RBFOX1: variants seen among roughly 807,000 people sequenced by gnomAD.
RBFOX1 encodes RNA binding protein fox-1 homolog 1.
In RBFOX1, 8 loss-of-function variants were observed where a neutral mutation model predicts 57.7. That is an observed-to-expected ratio of 0.14 (90% CI 0.08 to 0.25). The LOEUF is 0.25. RBFOX1 is among the 10% of genes least tolerant of loss of function. The pLI, the probability that RBFOX1 is intolerant of heterozygous loss-of-function variation, is 1.00. For missense variants in RBFOX1, 611 were observed against 548.5 expected (o/e 1.11, Z -1.14); for synonymous variants, 326 against 222.4 (o/e 1.47, Z -4.15).
At chr16:6,976,744 ATATC>A in intron 3 of RBFOX1, among the ~76,000 whole-genome samples, 1 of 143,404 alleles carries the variant, frequency 7.0e-6, no homozygotes, top group Admixed American at 7.1e-5. Context: ...TCATACATAT[ATATC>A]ATGTCATACA....
At chr16:5,848,699 CA>C (rs2056815804) in intron 3 of RBFOX1, among the ~76,000 whole-genome samples, 1 of 152,106 alleles carries the variant, frequency 6.6e-6, no homozygotes, top group Admixed American at 6.5e-5. Flanking sequence ...GTAAACCCAG[CA>C]CTTTGGGAGA....
At chr16:5,526,857 C>G (rs1275483027) in intron 2 of RBFOX1, among the ~76,000 whole-genome samples, 2 of 152,174 alleles carry the variant, frequency 1.3e-5, no homozygotes, top group Non-Finnish European at 2.9e-5. Flanking sequence ...AAGTAAGACT[C>G]CTTGCATGGG....
intron 3 of RBFOX1, among the ~76,000 whole-genome samples, chr16:5,743,131 T>C (rs1338580550): frequency 6.6e-6 from 1 of 152,216 alleles, no homozygotes; most frequent in African/African-American, 2.4e-5. Flanking sequence ...GTATTGTGAT[T>C]GGAAAGAACG....
intron 1 of RBFOX1, among the ~76,000 whole-genome samples, chr16:5,314,186 T>TC (rs1176321027): frequency 6.6e-6 from 1 of 152,222 alleles, no homozygotes; most frequent in Non-Finnish European, 1.5e-5. Flanking sequence ...TTGGCCCAGG[T>TC]CATGCAGTGG....
At chr16:7,583,108 G>T (rs2093900653) in intron 6 of RBFOX1, among the ~76,000 whole-genome samples, 1 of 150,126 alleles carries the variant, frequency 6.7e-6, no homozygotes, top group Non-Finnish European at 1.5e-5. Context: ...CTCATTGGAA[G>T]CATTTGTTCC....
chr16:7,272,292 G>C (rs890745032), intron 4 of RBFOX1, among the ~76,000 whole-genome samples: 9 of 151,944 alleles, frequency 5.9e-5, no homozygotes, highest in African/African-American at 2.2e-4. Flanking sequence ...TCAAGTGATT[G>C]TCCTGCCTCG....
intron 3 of RBFOX1, among the ~76,000 whole-genome samples, chr16:6,992,527 A>C (rs2091655719): frequency 6.6e-6 from 1 of 152,034 alleles, no homozygotes; most frequent in Non-Finnish European, 1.5e-5. Context: ...CAATTCCTTA[A>C]GTACCTTGTT....
At chr16:7,600,208 A>G (rs1219836626) in intron 9 of RBFOX1, among the ~76,000 whole-genome samples, 1 of 152,178 alleles carries the variant, frequency 6.6e-6, no homozygotes, top group African/African-American at 2.4e-5. Context: ...GAACTCAGAG[A>G]ATTGTTCCTG....
chr16:7,313,056 C>T (rs900960016), intron 4 of RBFOX1, among the ~76,000 whole-genome samples: 7 of 152,096 alleles, frequency 4.6e-5, no homozygotes, highest in East Asian at 1.9e-4. Flanking sequence ...CACTGCTGCT[C>T]TTCCTTCTGA....
intron 4 of RBFOX1, among the ~76,000 whole-genome samples, chr16:7,136,692 C>T (rs994223300): frequency 2.6e-5 from 4 of 152,108 alleles, no homozygotes; most frequent in Non-Finnish European, 4.4e-5. Flanking sequence ...GTTGGGATTA[C>T]GGGTGTGAGT....
intron 4 of RBFOX1, among the ~76,000 whole-genome samples, chr16:7,280,461 GT>G (rs2095519456): frequency 6.6e-6 from 1 of 152,164 alleles, no homozygotes. Context: ...GAATAATAAG[GT>G]GTTGGTAGAT....
chr16:6,310,375 A>G (rs2080105386), intron 1 of RBFOX1, among the ~76,000 whole-genome samples: 1 of 152,214 alleles, frequency 6.6e-6, no homozygotes, highest in Non-Finnish European at 1.5e-5. Flanking sequence ...GGATGATCTT[A>G]TTGCCTTGGC....
At chr16:6,099,671 T>A (rs1300503114) in intron 1 of RBFOX1, among the ~76,000 whole-genome samples, 1 of 152,194 alleles carries the variant, frequency 6.6e-6, no homozygotes, top group Non-Finnish European at 1.5e-5. Flanking sequence ...TTTGTGACTG[T>A]CACTTCACAA....
At chr16:7,618,024 T>C (rs2058737152) in intron 10 of RBFOX1, among the ~76,000 whole-genome samples, 1 of 151,806 alleles carries the variant, frequency 6.6e-6, no homozygotes. Flanking sequence ...AAAATACACA[T>C]GCTTGATCTT....
At chr16:7,568,641 T>A (rs1408731466) in intron 5 of RBFOX1, among the ~76,000 whole-genome samples, 1 of 152,006 alleles carries the variant, frequency 6.6e-6, no homozygotes, top group African/African-American at 2.4e-5. Context: ...ATCCCAGCAC[T>A]GTGGGAGGCC....
At chr16:6,118,060 G>A (rs1308953492) in intron 1 of RBFOX1, among the ~76,000 whole-genome samples, 2 of 152,194 alleles carry the variant, frequency 1.3e-5, no homozygotes, top group Admixed American at 6.5e-5. Context: ...TGCAAAAGTA[G>A]TCCAGAGAAT....
intron 1 of RBFOX1, among the ~76,000 whole-genome samples, chr16:5,408,566 C>A (rs1169156344): frequency 6.6e-6 from 1 of 152,302 alleles, no homozygotes; most frequent in South Asian, 2.1e-4. Flanking sequence ...AGCGACAGTG[C>A]TTCCTGCTTC....
At chr16:7,069,373 C>A (rs997864872) in intron 4 of RBFOX1, among the ~76,000 whole-genome samples, 1 of 152,022 alleles carries the variant, frequency 6.6e-6, no homozygotes, top group Non-Finnish European at 1.5e-5. Context: ...CAAAGAGGCC[C>A]GGTGTGTGTG....
At chr16:7,107,502 C>G (rs1329464529) in intron 4 of RBFOX1, among the ~76,000 whole-genome samples, 1 of 152,100 alleles carries the variant, frequency 6.6e-6, no homozygotes, top group Non-Finnish European at 1.5e-5. Flanking sequence ...ATTAACTGTA[C>G]ATATGTAAAG....
Sources: allele counts gnomAD v4.1 joint callset (sites outside exome capture counted in the v4.1 genomes callset), GRCh38; gene constraint gnomAD v4.1.1; transcripts MANE v1.5; gene names NCBI Gene and HGNC (gene_info 2026-07-23, HGNC 2026-07-21).